MAP3K7CL: variants seen among roughly 807,000 people sequenced by gnomAD.
MAP3K7CL encodes MAP3K7 C-terminal-like protein.
MAP3K7CL carries 16 observed loss-of-function variants against 18.6 expected under a neutral mutation model. The observed-to-expected ratio is 0.86, with a 90% CI of 0.58 to 1.31. The LOEUF (loss-of-function observed/expected upper bound fraction) is 1.31. MAP3K7CL is among the 50% of genes most tolerant of loss of function. The pLI, the probability that MAP3K7CL is intolerant of heterozygous loss-of-function variation, is 0.00. For synonymous variants in MAP3K7CL, 65 were observed against 66.8 expected, an observed-to-expected ratio of 0.97 and a Z score of 0.13; for missense variants, 163 against 174.4, an observed-to-expected ratio of 0.93 and a Z score of 0.37.
chr21:29,163,693 CTTTT>C (rs397866386), intron 4 of MAP3K7CL, among the ~76,000 whole-genome samples: 2 of 125,990 alleles, frequency 1.6e-5, no homozygotes, highest in Non-Finnish European at 3.3e-5. Flanking sequence ...CCCTTTCTTC[CTTTT>C]TTTTTTTTTT....
At chr21:29,172,069 A>G (rs1391829038) in intron 4 of MAP3K7CL, among the ~76,000 whole-genome samples, 1 of 151,996 alleles carries the variant, frequency 6.6e-6, no homozygotes, top group African/African-American at 2.4e-5. Context: ...TAAAACAATA[A>G]CATTCTCTCA....
rs559579943 is a variant in MAP3K7CL, at chr21:29,151,062, G to A, written c.132+1812G>A. ...TAGGATTGCAGGCGTGAGCCACGGC[G>A]CCTGGCCTGCATTTTCTTCTGGTCT... On this transcript the variant is annotated intron_variant, in intron 3 of 4. Coordinates refer to ENST00000399928, the MANE Select transcript of MAP3K7CL (RefSeq NM_001286620.2). 9.2e-5 allele frequency among the ~76,000 whole-genome samples: 14 copies of A among 151,812 alleles called. No individual in the cohort carries two copies. In the East Asian group the frequency reaches 2.2e-3, roughly 23 times the overall value.
At chr21:29,163,329 AG>A in intron 4 of MAP3K7CL, among the ~76,000 whole-genome samples, 2 of 152,250 alleles carry the variant, frequency 1.3e-5, no homozygotes, top group East Asian at 3.9e-4. Context: ...GGCTAGATGT[AG>A]GGCCAAGGCC....
chr21:29,148,423 G>T lies in MAP3K7CL; in HGVS notation c.71-766G>T, dbSNP rs143846793. Among the ~76,000 whole-genome samples, 27 of 152,248 alleles carry T rather than the reference G, an allele frequency of 1.8e-4. No homozygotes were observed. The South Asian group carries it at 3.7e-3, about 21-fold the overall frequency. On this transcript the variant is annotated intron_variant, in intron 2 of 4. Transcript: ENST00000399928. The stretch of plus-strand genomic sequence containing the variant: ...TCGGTCAGCACTATGTTCTTGAAGA[G>T]ATTGGGGGTGACTTGGATATTTTGA...
intron 4 of MAP3K7CL, among the ~76,000 whole-genome samples, chr21:29,099,285 T>TG (rs2086179059): frequency 8.2e-6 from 1 of 122,502 alleles, no homozygotes; most frequent in Non-Finnish European, 1.7e-5. Context: ...TTTTTTTTTT[T>TG]GTAGAGACGG....
At chr21:29,101,101 G>A (rs140373518) in intron 4 of MAP3K7CL, among the ~76,000 whole-genome samples, 4 of 151,722 alleles carry the variant, frequency 2.6e-5, no homozygotes, top group Admixed American at 6.6e-5. Flanking sequence ...GCGCGTGGCC[G>A]CAAACATTTT....
intron 4 of MAP3K7CL, among the ~76,000 whole-genome samples, chr21:29,162,311 CT>C (rs146989290): frequency 1.2e-3 from 167 of 142,488 alleles, no homozygotes; most frequent in Admixed American, 1.3e-3. Context: ...TTATGTGTAG[CT>C]TTTTTTTTTT....
chr21:29,168,611 C>T (rs951907050), intron 4 of MAP3K7CL, among the ~76,000 whole-genome samples: 1 of 152,150 alleles, frequency 6.6e-6, no homozygotes, highest in Admixed American at 6.5e-5. Context: ...AGGTGCAGCC[C>T]AGTCATTTAA....
intron 4 of MAP3K7CL, chr21:29,122,318 G>A (rs1221034583): frequency 1.3e-5 from 2 of 152,252 alleles, no homozygotes; most frequent in Admixed American, 1.3e-4. Flanking sequence ...GACCCCTGGA[G>A]CCCTGAGGGC....
At chr21:29,138,546 G>T (rs1005212356) in intron 2 of MAP3K7CL, among the ~76,000 whole-genome samples, 1 of 152,168 alleles carries the variant, frequency 6.6e-6, no homozygotes, top group Admixed American at 6.5e-5. Flanking sequence ...CTAAAAACTG[G>T]CATGCTCCTT....
intron 4 of MAP3K7CL, among the ~76,000 whole-genome samples, chr21:29,122,405 C>T (rs1357401551): frequency 2.0e-5 from 3 of 152,198 alleles, no homozygotes; most frequent in Non-Finnish European, 4.4e-5. Context: ...TGACAGCCCT[C>T]TGTATCCTGA....
At chr21:29,119,569 G>T (rs146355434) in intron 4 of MAP3K7CL, among the ~76,000 whole-genome samples, 1 of 151,912 alleles carries the variant, frequency 6.6e-6, no homozygotes, top group East Asian at 1.9e-4. Flanking sequence ...TGTTTCCTGT[G>T]TTCCAGGCTT....
intron 1 of MAP3K7CL, among the ~76,000 whole-genome samples, chr21:29,088,738 TGAA>T (rs199666103): frequency 0.016 from 2,441 of 152,258 alleles, 35 homozygotes; most frequent in Non-Finnish European, 0.026. Flanking sequence ...GTGTGTGTGT[TGAA>T]GAAAGCAGAG....
chr21:29,117,686 A>G (rs1190725448), intron 4 of MAP3K7CL, among the ~76,000 whole-genome samples: 1 of 152,250 alleles, frequency 6.6e-6, no homozygotes, highest in East Asian at 1.9e-4. Context: ...CTACTATTTT[A>G]GGATGTGATG....
chr21:29,085,051 C>A (rs951575291), upstream of MAP3K7CL: 3 of 152,122 alleles, frequency 2.0e-5, no homozygotes, highest in African/African-American at 7.2e-5. Context: ...GTCTCTAAGC[C>A]CATATTTTCT....
At chr21:29,165,551 T>C (rs1241310669) in intron 4 of MAP3K7CL, among the ~76,000 whole-genome samples, 1 of 152,172 alleles carries the variant, frequency 6.6e-6, no homozygotes, top group East Asian at 1.9e-4. Flanking sequence ...CCTCATGTTA[T>C]ATATATTTTT....
intron 4 of MAP3K7CL, chr21:29,102,399 A>G (rs1279549036): frequency 6.6e-6 from 1 of 152,012 alleles, no homozygotes; most frequent in African/African-American, 2.4e-5. Flanking sequence ...AAATAAGGCT[A>G]AATCTCAGCT....
intron 4 of MAP3K7CL, among the ~76,000 whole-genome samples, chr21:29,167,227 C>T (rs1438700222): frequency 6.6e-6 from 1 of 152,104 alleles, no homozygotes; most frequent in African/African-American, 2.4e-5. Context: ...AGATCTTTTG[C>T]CCATTTTTTA....
At chr21:29,084,100 C>G (rs1008931070), upstream of MAP3K7CL, among the ~76,000 whole-genome samples, 3 of 147,906 alleles carry the variant, frequency 2.0e-5, no homozygotes, top group African/African-American at 7.4e-5. Context: ...TCCAAAATTG[C>G]TAGTTTATGA....
Sources: gnomAD v4.1 joint callset for allele counts (sites outside exome capture counted in the v4.1 genomes callset) on GRCh38, gnomAD v4.1.1 for gene constraint, MANE v1.5 for transcripts, NCBI Gene and HGNC (gene_info 2026-07-23, HGNC 2026-07-21) for gene names.